Variants in GRIP1 observed in about 807,000 individuals in gnomAD.
GRIP1 encodes glutamate receptor interacting protein 1.
A neutral mutation model predicts 129.9 loss-of-function variants in GRIP1; 45 were observed. That is an observed-to-expected ratio of 0.35 (90% CI 0.27 to 0.44). The LOEUF (loss-of-function observed/expected upper bound fraction) is 0.44, where lower values mean the gene tolerates loss of function less well. GRIP1 is among the 20% of genes least tolerant of loss of function. The pLI is 1.00. For missense variants in GRIP1, 1,196 were observed against 1,396.8 expected (o/e 0.86, Z 2.29); for synonymous variants, 530 against 520.8 (o/e 1.02, Z -0.24).
chr12:66,515,279 A>AT (rs953386842), intron 7 of GRIP1, among the ~76,000 whole-genome samples: 12 of 151,622 alleles, frequency 7.9e-5, no homozygotes, highest in Admixed American at 1.3e-4. Context: ...TAAAAAAAAA[A>AT]AGTACCAGTC....
chr12:66,855,651 A>G (rs1026093885), intron 1 of GRIP1, among the ~76,000 whole-genome samples: 20 of 152,034 alleles, frequency 1.3e-4, no homozygotes, highest in African/African-American at 4.6e-4. Flanking sequence ...AGATCTTTTA[A>G]CTTTCTAAGA....
At position 66,465,296 on chromosome 12, in the gene GRIP1, T is replaced by A; in HGVS notation, c.851A>T (p.Lys284Ile). The A allele has an allele frequency of 1.2e-6, 2 of 1,613,904 alleles. No individual in the cohort carries two copies. The highest frequency in any genetic ancestry group is 8.5e-7 in the Non-Finnish European group (1 of 1,179,790). ...TTACCTGTCTGCAATACTTGCAGATTTGATTTTGTCTATGACAATGACTTG... is the reference window on the plus strand; with the variant it reads ...TTACCTGTCTGCAATACTTGCAGATATGATTTTGTCTATGACAATGACTTG... The part of the protein sequence containing the change: ...NKQVIVIDKI[K>I]SASIADRCGA... The change falls in exon 8 of 25, where the codon AAA (lysine) becomes ATA (isoleucine). Residue 284 changes from lysine (K) to isoleucine (I), a missense_variant. By Grantham distance (102) the Lys-to-Ile change is moderately radical (BLOSUM62 -3). Around this residue, in one of 5 missense-constraint regions of GRIP1, gnomAD observed 508 missense variants for 587.0 expected, o/e 0.87. Transcript: ENST00000359742.
At chr12:66,527,468 T>C (rs1442917733) in intron 5 of GRIP1, among the ~76,000 whole-genome samples, 2 of 151,838 alleles carry the variant, frequency 1.3e-5, no homozygotes, top group African/African-American at 2.4e-5. Context: ...TAGGTGGGAA[T>C]TGAACAATGA....
intron 1 of GRIP1, among the ~76,000 whole-genome samples, chr12:66,675,728 C>G (rs114707147): frequency 0.014 from 2,060 of 152,260 alleles, 44 homozygotes; most frequent in African/African-American, 0.047. Context: ...GACTCTCATT[C>G]TGGAGGAAGA....
At chr12:66,815,896 T>C (rs544947100) in intron 1 of GRIP1, among the ~76,000 whole-genome samples, 1 of 143,054 alleles carries the variant, frequency 7.0e-6, no homozygotes, top group East Asian at 2.2e-4. Flanking sequence ...TTCTTTCTCA[T>C]ATTAAGGTCT....
rs140891533 is a variant in GRIP1 at position 66,871,022 on chromosome 12, C to T, written c.58+198028G>A. On this transcript the variant is annotated intron_variant, in intron 1 of 1. Coordinates refer to the GRIP1 transcript ENST00000643019. The stretch of plus-strand genomic sequence containing the variant: ...TGTGACCTTGACCATAGTATATGAT[C>T]CTTCTGAGACTTACTTTTTTCATGT... 1.0e-3 allele frequency among the ~76,000 whole-genome samples: 156 copies of T among 152,106 alleles called. 1 individual carries two copies. Among genetic ancestry groups the T allele is most frequent in the African/African-American group, 3.5e-3 (145 of 41,516 alleles).
chr12:66,964,151 G>T (rs1384944010), intron 1 of GRIP1, among the ~76,000 whole-genome samples: 1 of 152,086 alleles, frequency 6.6e-6, no homozygotes. Context: ...CCGCAGTGCT[G>T]CCAAAGTGAT....
At chr12:66,861,608 GTTTC>G (rs1248526499) in intron 1 of GRIP1, among the ~76,000 whole-genome samples, 1 of 152,002 alleles carries the variant, frequency 6.6e-6, no homozygotes, top group Non-Finnish European at 1.5e-5. Flanking sequence ...ACAAAGAACT[GTTTC>G]TTTCTTCTGA....
intron 1 of GRIP1, among the ~76,000 whole-genome samples, chr12:66,657,582 G>A (rs2033240228): frequency 6.6e-6 from 1 of 152,194 alleles, no homozygotes; most frequent in Admixed American, 6.5e-5. Context: ...ATGGTCTTCT[G>A]TTAGAAAGTA....
At chr12:66,576,628 T>C (rs2063148004) in intron 2 of GRIP1, among the ~76,000 whole-genome samples, 1 of 152,242 alleles carries the variant, frequency 6.6e-6, no homozygotes, top group Admixed American at 6.5e-5. Context: ...CCTTAATTTC[T>C]TCCTCCACAA....
chr12:66,354,943 T>A (rs1195364827), intron 23 of GRIP1, among the ~76,000 whole-genome samples: 1 of 151,442 alleles, frequency 6.6e-6, no homozygotes, highest in Non-Finnish European at 1.5e-5. Flanking sequence ...GAAATTCAAT[T>A]TCACTGGGGT....
intron 1 of GRIP1, among the ~76,000 whole-genome samples, chr12:66,757,583 C>T (rs1248979769): frequency 6.6e-6 from 1 of 152,190 alleles, no homozygotes; most frequent in Non-Finnish European, 1.5e-5. Context: ...CCTCGATATA[C>T]TAATTTCCTT....
intron 1 of GRIP1, among the ~76,000 whole-genome samples, chr12:67,064,600 G>T (rs1289185066): frequency 6.6e-6 from 1 of 152,108 alleles, no homozygotes; most frequent in East Asian, 1.9e-4. Flanking sequence ...TTTGTTCCTT[G>T]GGAAAAAGTC....
intron 2 of GRIP1, among the ~76,000 whole-genome samples, chr12:66,594,150 T>C (rs1435517817): frequency 1.3e-5 from 2 of 148,738 alleles, no homozygotes; most frequent in East Asian, 4.0e-4. Flanking sequence ...TCAATGGCCC[T>C]GGAGCTGCAT....
intron 1 of GRIP1, among the ~76,000 whole-genome samples, chr12:66,824,151 G>A (rs1172341666): frequency 6.6e-6 from 1 of 152,180 alleles, no homozygotes; most frequent in Non-Finnish European, 1.5e-5. Flanking sequence ...TTTTGAAAAG[G>A]TGGGTGGGGC....
intron 1 of GRIP1, among the ~76,000 whole-genome samples, chr12:66,779,387 G>C (rs990998815): frequency 1.3e-5 from 2 of 152,132 alleles, no homozygotes; most frequent in African/African-American, 4.8e-5. Flanking sequence ...AAACCATTAA[G>C]AGTCACTTAA....
intron 1 of GRIP1, among the ~76,000 whole-genome samples, chr12:66,759,006 C>A (rs1404572209): frequency 1.3e-5 from 2 of 152,158 alleles, no homozygotes; most frequent in Non-Finnish European, 2.9e-5. Context: ...AGGACGGTGT[C>A]CCTCTTCTCA....
At chr12:66,794,986 G>A (rs2038653871) in intron 1 of GRIP1, among the ~76,000 whole-genome samples, 2 of 152,142 alleles carry the variant, frequency 1.3e-5, no homozygotes, top group African/African-American at 4.8e-5. Flanking sequence ...ACCAACTGCT[G>A]AGCACCCGTA....
intron 1 of GRIP1, among the ~76,000 whole-genome samples, chr12:66,708,993 A>G (rs1460632393): frequency 6.6e-6 from 1 of 151,876 alleles, no homozygotes; most frequent in African/African-American, 2.4e-5. Context: ...CATGATTTTT[A>G]CAACCAGAGG....
Sources: allele counts gnomAD v4.1 joint callset (sites outside exome capture counted in the v4.1 genomes callset), GRCh38; gene constraint gnomAD v4.1.1; regional missense constraint gnomAD v4.1.1; transcripts MANE v1.5; gene names NCBI Gene and HGNC (gene_info 2026-07-23, HGNC 2026-07-21).